The following PGAP1 variants were observed in gnomAD, a reference collection of about 807,000 sequenced individuals.
The protein encoded by PGAP1 is GPI inositol-deacylase.
A neutral mutation model predicts 127.0 loss-of-function variants in PGAP1; 76 were observed. The observed-to-expected ratio is 0.60, with a 90% CI of 0.50 to 0.72. PGAP1 has a LOEUF of 0.72. PGAP1 is among the 30% of genes least tolerant of loss of function. PGAP1 has a pLI of 0.00. For missense variants in PGAP1, 982 were observed against 1,071.3 expected, an observed-to-expected ratio of 0.92 and a Z score of 1.16; for synonymous variants, 362 against 366.5, an observed-to-expected ratio of 0.99 and a Z score of 0.14.
At position 196,841,385 on chromosome 2, in the gene PGAP1, A is replaced by T. The variant is rs1325280262; in HGVS notation, c.2631-13T>A. 6.2e-7 allele frequency: 1 copy of T among 1,604,812 alleles called. No individual in the cohort carries two copies. Among genetic ancestry groups the T allele is most frequent in the African/African-American group, 1.3e-5 (1 of 74,690 alleles). On this transcript the variant is annotated splice_polypyrimidine_tract_variant and intron_variant, in intron 26 of 26. Coordinates refer to ENST00000354764, the MANE Select transcript of PGAP1 (RefSeq NM_024989.4). ...CTTCAACAATTTACTGTAAAGAGAC[A>T]GAGAAATATACATTACTTATGTGAA...
intron 7 of PGAP1, among the ~76,000 whole-genome samples, chr2:196,893,676 A>C (rs1045926489): frequency 6.6e-6 from 1 of 152,230 alleles, no homozygotes; most frequent in Non-Finnish European, 1.5e-5. Context: ...CCAAATTCAG[A>C]CTACTGCCAA....
intron 2 of PGAP1, among the ~76,000 whole-genome samples, chr2:196,917,081 T>C (rs1310988431): frequency 6.6e-6 from 1 of 152,152 alleles, no homozygotes; most frequent in Non-Finnish European, 1.5e-5. Flanking sequence ...CTATCCCCAG[T>C]TGAAATTTCT....
At position 196,880,057 on chromosome 2, in the gene PGAP1, A is replaced by G; in HGVS notation, c.1350+19T>C. The G allele has an allele frequency of 1.3e-6, 2 of 1,562,466 alleles. No homozygotes were observed. The highest frequency in any genetic ancestry group is 1.1e-5 in the South Asian group (1 of 88,650). ...GTGTCTCCAAAACATTCTAATAACA[A>G]TCTTAACCCACTTGTTACCTTACTT... On this transcript the variant is annotated intron_variant, in intron 13 of 26. Coordinates refer to ENST00000354764, the MANE Select transcript of PGAP1 (RefSeq NM_024989.4).
At chr2:196,849,557 A>G (rs765866630) in intron 20 of PGAP1, among the ~76,000 whole-genome samples, 4 of 151,840 alleles carry the variant, frequency 2.6e-5, no homozygotes, top group African/African-American at 7.3e-5. Context: ...TACAGGTGTG[A>G]GCCACCACAC....
intron 26 of PGAP1, among the ~76,000 whole-genome samples, chr2:196,842,086 T>A (rs1700429776): frequency 6.6e-6 from 1 of 151,004 alleles, no homozygotes; most frequent in Non-Finnish European, 1.5e-5. Context: ...CCATCTTACA[T>A]TCCCAAAACA....
At chr2:196,924,461 T>C (rs1033203640) in intron 1 of PGAP1, among the ~76,000 whole-genome samples, 1 of 152,222 alleles carries the variant, frequency 6.6e-6, no homozygotes, top group Non-Finnish European at 1.5e-5. Flanking sequence ...ATGTTCAAAA[T>C]GACTCATTTC....
At chr2:196,902,176 T>A (rs1198425629) in intron 5 of PGAP1, among the ~76,000 whole-genome samples, 1 of 152,244 alleles carries the variant, frequency 6.6e-6, no homozygotes, top group East Asian at 1.9e-4. Flanking sequence ...CTTACCACCA[T>A]GCCAAATTAG....
At chr2:196,872,155 A>G (rs1054630497) in intron 18 of PGAP1, among the ~76,000 whole-genome samples, 2 of 152,228 alleles carry the variant, frequency 1.3e-5, no homozygotes, top group African/African-American at 2.4e-5. Context: ...TTTATAAAAA[A>G]GATTCTGGAC....
chr2:196,898,482 G>A, intron 5 of PGAP1, 113 bp from the exon 6 acceptor site: 3 of 638,800 alleles, frequency 4.7e-6, no homozygotes, highest in Non-Finnish European at 8.3e-6. Flanking sequence ...TCACTATATT[G>A]TGAGGCCTAG....
Position 196,834,471 on chromosome 2 carries a change from A to T in PGAP1, c.*6763T>A, listed in dbSNP as rs1700183187. The T allele has an allele frequency of 6.6e-6, 1 of 152,468 alleles. No homozygotes were observed. Among genetic ancestry groups the T allele is most frequent in the Non-Finnish European group, 1.5e-5 (1 of 67,904 alleles). 9.4% of individuals were successfully genotyped at this position (152,468 alleles called of 1,614,324 possible). On this transcript the variant is annotated 3_prime_UTR_variant, in exon 27 of 27. Coordinates refer to ENST00000354764, the MANE Select transcript of PGAP1 (RefSeq NM_024989.4). ...ATCATTTCAAGGCACACTCTGTTTT[A>T]TCCCAAATGACTATAAGTTCAAGGT...
intron 14 of PGAP1, among the ~76,000 whole-genome samples, chr2:196,875,528 A>T (rs1701535501): frequency 6.6e-6 from 1 of 152,226 alleles, no homozygotes; most frequent in South Asian, 2.1e-4. Context: ...ACATAGATAC[A>T]CACACGCAAT....
At position 196,913,005 on chromosome 2, in the gene PGAP1, C is replaced by T. The variant is rs1402695350; in HGVS notation, c.526G>A (p.Gly176Ser). 16 of 1,612,918 alleles carry T rather than the reference C, an allele frequency of 9.9e-6. No homozygotes were observed. The highest frequency in any genetic ancestry group is 1.4e-5 in the Non-Finnish European group (16 of 1,179,544). Reference protein sequence around the residue: ...KSVAIIGHSMGGLVARALLTL... With the variant: ...KSVAIIGHSMSGLVARALLTL... ...AGCAATGCTCTTGCAACAAGGCCAC[C>T]CATAGAATGACCAATTATTGCCACA... Residue 176 changes from glycine to serine, a missense_variant, in exon 4 of 27, where the codon GGT becomes AGT. By Grantham distance (56) the Gly-to-Ser change is moderately conservative. Coordinates refer to ENST00000354764, the MANE Select transcript of PGAP1 (RefSeq NM_024989.4).
intron 14 of PGAP1, 28 bp from the exon 15 acceptor site, chr2:196,873,786 T>G: frequency 6.8e-7 from 1 of 1,471,554 alleles, no homozygotes; most frequent in Non-Finnish European, 9.5e-7. Context: ...CTGTATTACT[T>G]AGAATATCAA....
intron 12 of PGAP1, among the ~76,000 whole-genome samples, chr2:196,881,508 C>T (rs1701730419): frequency 6.6e-6 from 1 of 152,198 alleles, no homozygotes; most frequent in South Asian, 2.1e-4. Context: ...GTTCCTTTTT[C>T]TCTGCAACCT....
chr2:196,902,909 T>C (rs1439289367), intron 4 of PGAP1, among the ~76,000 whole-genome samples, 167 bp from the exon 5 acceptor site: 1 of 152,200 alleles, frequency 6.6e-6, no homozygotes, highest in Non-Finnish European at 1.5e-5. Context: ...TCAGTATCTT[T>C]ACACATATTC....
At chr2:196,849,366 C>T (rs1485216813) in intron 20 of PGAP1, among the ~76,000 whole-genome samples, 1 of 151,332 alleles carries the variant, frequency 6.6e-6, no homozygotes, top group Non-Finnish European at 1.5e-5. Flanking sequence ...CGGGTTCATG[C>T]CATTCTCCTG....
At chr2:196,854,767 C>G (rs977845830) in intron 20 of PGAP1, among the ~76,000 whole-genome samples, 10 of 152,028 alleles carry the variant, frequency 6.6e-5, no homozygotes, top group Non-Finnish European at 1.5e-5. Flanking sequence ...AAAACCTTAA[C>G]AAGAACTCTT....
At chr2:196,862,433 G>A (rs142987724) in intron 20 of PGAP1, among the ~76,000 whole-genome samples, 1,953 of 152,156 alleles carry the variant, frequency 0.013, 17 homozygotes, top group Middle Eastern at 0.027. Context: ...ATTTCGCCCC[G>A]GTCCTGTGGT....
chr2:196,843,807 C>A, intron 25 of PGAP1, 81 bp downstream of exon 25: 1 of 834,464 alleles, frequency 1.2e-6, no homozygotes, highest in Non-Finnish European at 1.7e-6. Flanking sequence ...TTTCATTAAC[C>A]ATTAGGAATC....
Sources: gnomAD v4.1 joint callset for allele counts (sites outside exome capture counted in the v4.1 genomes callset) on GRCh38, gnomAD v4.1.1 for gene constraint, MANE v1.5 for transcripts, NCBI Gene and HGNC (gene_info 2026-07-23, HGNC 2026-07-21) for gene names.